Variants in DOCK11 observed in about 807,000 individuals in gnomAD.
DOCK11 encodes dedicator of cytokinesis 11.
In DOCK11, 70 loss-of-function variants were observed where a neutral mutation model predicts 169.1. That is an observed-to-expected ratio of 0.41 (90% confidence interval 0.34 to 0.51). The LOEUF (loss-of-function observed/expected upper bound fraction) is 0.51, where lower values mean the gene tolerates loss of function less well. DOCK11 is among the 20% of genes least tolerant of loss of function. The pLI, the probability that DOCK11 is intolerant of heterozygous loss-of-function variation, is 0.10. For missense variants in DOCK11, 1,166 were observed against 1,538.8 expected (o/e 0.76, Z 4.05); for synonymous variants, 529 against 541.3 (o/e 0.98, Z 0.32).
At chrX:118,644,940 A>G (rs1324335700) in intron 40 of DOCK11, among the ~76,000 whole-genome samples, 1 of 111,978 alleles carries the variant, frequency 8.9e-6, no homozygotes, top group African/African-American at 3.2e-5. Context: ...CAAAGGCAGT[A>G]AAAAGACTAG....
intron 1 of DOCK11, among the ~76,000 whole-genome samples, chrX:118,531,321 G>A (rs754703714): frequency 1.0e-5 from 1 of 100,137 alleles, no homozygotes; most frequent in African/African-American, 3.7e-5. Context: ...CAGGTATGGT[G>A]GTGGATGACT....
chrX:118,662,154 C>T (rs112639846), intron 44 of DOCK11, among the ~76,000 whole-genome samples: 6,454 of 111,473 alleles, frequency 0.058, 215 homozygotes, highest in Non-Finnish European at 0.093. Flanking sequence ...GGTGGTTCTT[C>T]CAGTGCCCCA....
At chrX:118,639,149 ACCT>A (rs1258996003) in intron 37 of DOCK11, among the ~76,000 whole-genome samples, 1 of 111,077 alleles carries the variant, frequency 9.0e-6, no homozygotes, top group Non-Finnish European at 1.9e-5. Context: ...GCCCTTCCTC[ACCT>A]CCTGTGAAAA....
intron 1 of DOCK11, among the ~76,000 whole-genome samples, chrX:118,528,120 C>G (rs759442468): frequency 8.9e-6 from 1 of 112,304 alleles, no homozygotes. Context: ...TTTTTCCATT[C>G]ACGAAGCCTC....
At chrX:118,551,057 T>C (rs140580416) in intron 6 of DOCK11, among the ~76,000 whole-genome samples, 7 of 111,559 alleles carry the variant, frequency 6.3e-5, no homozygotes, top group African/African-American at 1.3e-4. Flanking sequence ...GTAAGAAGCA[T>C]TGGTAGATTT....
At chrX:118,516,014 T>TATATATATATATATATATATATATAC (rs1184582775) in intron 1 of DOCK11, among the ~76,000 whole-genome samples, 6 of 83,859 alleles carry the variant, frequency 7.2e-5, no homozygotes, top group Non-Finnish European at 1.1e-4. Flanking sequence ...AATATATATA[T>TATATATATATATATATATATATATAC]ATATACATTC....
In DOCK11 at chrX:118,652,029, G is replaced by A. The variant is rs1473619200; in HGVS notation, c.4647G>A (p.Glu1549=). The A allele has an allele frequency of 3.3e-6, 4 of 1,204,764 alleles. No homozygotes were observed. Among genetic ancestry groups the A allele is most frequent in the Non-Finnish European group, 3.4e-6 (3 of 892,086 alleles). Residue 1549 remains glutamate (E), a synonymous_variant, in exon 42 of 53, where the codon GAG becomes GAA. Transcript: ENST00000276202. ...TAAGCGGAGGATCAAGATTTCAGGA[G>A]TCTTTATTCATTATCAATAATTTTG... ...VALSGGSRFQ[E]SLFIINNFAN...
chrX:118,653,197 C>G (rs896360282), intron 42 of DOCK11, among the ~76,000 whole-genome samples: 2 of 111,485 alleles, frequency 1.8e-5, no homozygotes, highest in African/African-American at 6.5e-5. Flanking sequence ...ATATTCTCTC[C>G]TTGATAGGAA....
At chrX:118,556,757 C>T (rs1230943464) in intron 6 of DOCK11, among the ~76,000 whole-genome samples, 3 of 80,873 alleles carry the variant, frequency 3.7e-5, no homozygotes, top group African/African-American at 1.2e-4. Context: ...GCTCTGTCTC[C>T]GGAAAAAAAA....
At chrX:118,566,925 T>TATTTA (rs1354505921) in intron 9 of DOCK11, among the ~76,000 whole-genome samples, 7 of 112,332 alleles carry the variant, frequency 6.2e-5, no homozygotes, top group Admixed American at 5.7e-4. Context: ...TGCTAGTTCT[T>TATTTA]ATTTAATTTA....
intron 31 of DOCK11, among the ~76,000 whole-genome samples, chrX:118,622,632 T>G (rs762316123): frequency 2.7e-5 from 3 of 111,935 alleles, no homozygotes; most frequent in African/African-American, 9.7e-5. Flanking sequence ...GGACTCACTA[T>G]ATGCCGAACA....
chrX:118,575,559 A>G (rs746653929), intron 12 of DOCK11, among the ~76,000 whole-genome samples: 10 of 111,881 alleles, frequency 8.9e-5, no homozygotes, highest in Non-Finnish European at 1.7e-4. Flanking sequence ...ACTGCTTTAC[A>G]TGGACTGTCA....
intron 1 of DOCK11, among the ~76,000 whole-genome samples, chrX:118,542,520 T>TTTG (rs149027952): frequency 9.6e-6 from 1 of 103,950 alleles, no homozygotes. Context: ...GTGTGTGTGT[T>TTTG]TGTGTGTGTG....
intron 13 of DOCK11, among the ~76,000 whole-genome samples, chrX:118,579,751 C>T (rs765751185): frequency 3.8e-4 from 43 of 111,855 alleles, no homozygotes; most frequent in African/African-American, 1.4e-3. Flanking sequence ...AAAACTTCTC[C>T]CAAGAATGAT....
At chrX:118,633,663 ACT>A (rs1286738822) in intron 35 of DOCK11, 1 of 111,484 alleles carries the variant, frequency 9.0e-6, no homozygotes, top group Non-Finnish European at 1.9e-5. Context: ...GGAGCTGGAA[ACT>A]CTGAACTTTG....
intron 24 of DOCK11, among the ~76,000 whole-genome samples, chrX:118,606,346 C>T (rs772604299): frequency 1.9e-3 from 218 of 111,942 alleles, no homozygotes; most frequent in African/African-American, 6.6e-3. Flanking sequence ...GGATTACAGG[C>T]GTGAGCCACC....
chrX:118,620,892 G>A (rs961441034), intron 31 of DOCK11, among the ~76,000 whole-genome samples: 1 of 112,506 alleles, frequency 8.9e-6, no homozygotes, highest in Non-Finnish European at 1.9e-5. Context: ...GCAAAAAGTT[G>A]TATATTTCTC....
At chrX:118,557,953 A>G (rs961999142) in intron 6 of DOCK11, among the ~76,000 whole-genome samples, 7 of 105,147 alleles carry the variant, frequency 6.7e-5, no homozygotes, top group African/African-American at 2.4e-4. Flanking sequence ...TTCCAGTTCT[A>G]TCAGTGACTT....
chrX:118,664,120 C>T (rs747535823), intron 45 of DOCK11, among the ~76,000 whole-genome samples: 6 of 110,511 alleles, frequency 5.4e-5, no homozygotes, highest in East Asian at 5.7e-4. Context: ...TATCCAGATA[C>T]GAGTAGTTAA....
Sources: gnomAD v4.1 joint callset for allele counts (sites outside exome capture counted in the v4.1 genomes callset) on GRCh38, gnomAD v4.1.1 for gene constraint, MANE v1.5 for transcripts, NCBI Gene and HGNC (gene_info 2026-07-23, HGNC 2026-07-21) for gene names.